KCNH7: variants seen among roughly 807,000 people sequenced by gnomAD.
The protein encoded by KCNH7 is potassium voltage-gated channel subfamily H member 7.
KCNH7 carries 49 observed loss-of-function variants against 120.8 expected under a neutral mutation model. The observed-to-expected ratio is 0.41, with a 90% CI of 0.32 to 0.51. The LOEUF is 0.51. Ranked by LOEUF, KCNH7 falls within the 20% of genes least tolerant of loss-of-function variation. KCNH7 has a pLI of 0.38. For missense variants in KCNH7, 1,097 were observed against 1,446.6 expected, an observed-to-expected ratio of 0.76 and a Z score of 3.92; for synonymous variants, 547 against 516.1, an observed-to-expected ratio of 1.06 and a Z score of -0.81.
In KCNH7 at chr2:162,440,283, AG is replaced by A. The variant is rs1454816404; in HGVS notation, c.1555-4687del. On this transcript the variant is annotated intron_variant, in intron 7 of 15. Transcript: ENST00000332142. ...GTATGTGATCTTTGGTTTCATATGC[AG>A]GGTTGATAGAATGAATGATCACTGA... Among the ~76,000 whole-genome samples the A allele has an allele frequency of 3.3e-5, 5 of 151,978 alleles. No individual in the cohort carries two copies. The East Asian group carries it at 9.6e-4, about 29-fold the overall frequency.
chr2:162,409,366 G>C (rs557072287), intron 9 of KCNH7, among the ~76,000 whole-genome samples: 2 of 151,930 alleles, frequency 1.3e-5, no homozygotes, highest in Non-Finnish European at 2.9e-5. Context: ...TTATTATATT[G>C]ACTAAAGAAG....
intron 14 of KCNH7, among the ~76,000 whole-genome samples, chr2:162,376,175 T>A (rs553011873): frequency 6.6e-6 from 1 of 152,200 alleles, no homozygotes; most frequent in African/African-American, 2.4e-5. Flanking sequence ...AAATCTGATT[T>A]CACAGTGCTA....
intron 2 of KCNH7, among the ~76,000 whole-genome samples, chr2:162,814,189 T>G (rs372997483): frequency 6.6e-6 from 1 of 152,126 alleles, no homozygotes; most frequent in Non-Finnish European, 1.5e-5. Flanking sequence ...ACAAGTAGGT[T>G]TGCAGGAAAG....
intron 2 of KCNH7, among the ~76,000 whole-genome samples, chr2:162,771,017 A>G (rs1683032041): frequency 6.6e-6 from 1 of 152,118 alleles, no homozygotes; most frequent in Admixed American, 6.6e-5. Context: ...TGCCTCTACA[A>G]CTTGGTACAA....
intron 12 of KCNH7, among the ~76,000 whole-genome samples, chr2:162,390,342 A>G (rs997133655): frequency 1.3e-5 from 2 of 151,378 alleles, no homozygotes; most frequent in South Asian, 2.1e-4. Flanking sequence ...GCCATTATAC[A>G]TGCTATTTTA....
intron 2 of KCNH7, among the ~76,000 whole-genome samples, chr2:162,738,649 AGT>A (rs1688005824): frequency 6.6e-6 from 1 of 152,212 alleles, no homozygotes; most frequent in Non-Finnish European, 1.5e-5. Flanking sequence ...AAAGAAAATC[AGT>A]GTGTTTGTCC....
intron 3 of KCNH7, among the ~76,000 whole-genome samples, chr2:162,532,316 G>A (rs1317970440): frequency 6.6e-6 from 1 of 151,878 alleles, no homozygotes; most frequent in African/African-American, 2.4e-5. Context: ...TTCAGCAGAA[G>A]AGGGCCTCTC....
At chr2:162,741,234 TTAA>T (rs1044878013) in intron 2 of KCNH7, among the ~76,000 whole-genome samples, 6 of 149,610 alleles carry the variant, frequency 4.0e-5, no homozygotes, top group Non-Finnish European at 8.9e-5. Flanking sequence ...GTTATACATA[TTAA>T]TAACATATGT....
intron 2 of KCNH7, among the ~76,000 whole-genome samples, chr2:162,614,344 C>T (rs1683070369): frequency 6.6e-6 from 1 of 151,844 alleles, no homozygotes; most frequent in East Asian, 1.9e-4. Context: ...TTACACTTGT[C>T]CACAAACCAC....
At chr2:162,404,783 T>C (rs1248147853) in intron 9 of KCNH7, among the ~76,000 whole-genome samples, 2 of 152,000 alleles carry the variant, frequency 1.3e-5, no homozygotes, top group East Asian at 1.9e-4. Flanking sequence ...TTTATAGCAA[T>C]GCAAGAACAG....
chr2:162,560,496 G>A lies in KCNH7; in HGVS notation c.308-23416C>T, dbSNP rs143396469. The stretch of plus-strand genomic sequence containing the variant: ...GGACATCAGAGCAAGTAGGTGGGTG[G>A]CTGGCATCCAGGGTTAAAAAGGGAA... On this transcript the variant is annotated intron_variant, in intron 2 of 15. Transcript: ENST00000332142. 2.6e-3 allele frequency among the ~76,000 whole-genome samples: 391 copies of A among 152,266 alleles called. 3 individuals are homozygous for A. The highest frequency in any genetic ancestry group is 0.014 in the Middle Eastern group (4 of 294).
At position 162,414,762 on chromosome 2, in the gene KCNH7, G is replaced by A. The variant is rs184340844; in HGVS notation, c.2154+8574C>T. 1.4e-3 allele frequency among the ~76,000 whole-genome samples: 212 copies of A among 152,038 alleles called. 1 individual carries two copies. The highest frequency in any genetic ancestry group is 4.4e-3 in the African/African-American group (183 of 41,526). On this transcript the variant is annotated intron_variant, in intron 9 of 15. Coordinates refer to ENST00000332142, the MANE Select transcript of KCNH7 (RefSeq NM_033272.4). ...TGAAGTATAAAAAAATCTTAAAAAT[G>A]TTGCATTTTAAAAATCCCTTTCATA...
Position 162,668,999 on chromosome 2 carries a change from A to G in KCNH7, c.308-131919T>C, listed in dbSNP as rs1685245109. 5.3e-5 allele frequency among the ~76,000 whole-genome samples: 8 copies of G among 152,180 alleles called. No individual in the cohort carries two copies. The South Asian group carries it at 1.7e-3, about 31-fold the overall frequency. ...GGTAATTTTAAAAATTAGAGGGTAG[A>G]TATAAGAAATGTAACGAAAAGGCAG... On this transcript the variant is annotated intron_variant, in intron 2 of 15. Coordinates refer to ENST00000332142, the MANE Select transcript of KCNH7 (RefSeq NM_033272.4).
chr2:162,787,244 C>A (rs1404306884), intron 2 of KCNH7, among the ~76,000 whole-genome samples: 2 of 152,252 alleles, frequency 1.3e-5, no homozygotes, highest in African/African-American at 4.8e-5. Flanking sequence ...CAGGTCAGTG[C>A]CCACAGACCC....
intron 2 of KCNH7, among the ~76,000 whole-genome samples, chr2:162,655,491 A>G (rs1178921800): frequency 1.3e-5 from 2 of 152,100 alleles, no homozygotes; most frequent in Non-Finnish European, 2.9e-5. Flanking sequence ...TGGCTCATAG[A>G]ATTATTGTGG....
chr2:162,793,075 A>G (rs542540103), intron 2 of KCNH7, among the ~76,000 whole-genome samples: 1 of 152,080 alleles, frequency 6.6e-6, no homozygotes, highest in African/African-American at 2.4e-5. Context: ...TTTATTATTT[A>G]CCCAATGTGG....
chr2:162,400,457 AAG>A lies in KCNH7; in HGVS notation c.2155-18_2155-17del. The A allele has an allele frequency of 6.2e-7, 1 of 1,610,410 alleles. No individual in the cohort carries two copies. Among genetic ancestry groups the A allele is most frequent in the Non-Finnish European group, 8.5e-7 (1 of 1,177,772 alleles). ...CCTTTAGGACCTGAGGAAAAAAAGA[AAG>A]AGTTTCATACTACCAGTGTTCTGGG... On this transcript the variant is annotated splice_polypyrimidine_tract_variant and intron_variant, in intron 9 of 15. Transcript: ENST00000332142.
chr2:162,838,569 C>T lies in KCNH7; in HGVS notation c.-51G>A. ...CTCCCCCGGAGCTCTGGAGTTCTCC[C>T]GGGATCTCTCCTCGGCTAGAGCCCA... On this transcript the variant is annotated 5_prime_UTR_variant, in exon 1 of 16. Transcript: ENST00000332142. The T allele has an allele frequency of 6.8e-7, 1 of 1,471,832 alleles. No individual in the cohort carries two copies. Among genetic ancestry groups the T allele is most frequent in the Non-Finnish European group, 9.4e-7 (1 of 1,061,162 alleles). 91.2% of individuals were successfully genotyped at this position (1,471,832 alleles called of 1,614,324 possible). A position where few individuals can be genotyped will look rare whatever the true frequency, so the allele number is the denominator to read the frequency against.
intron 12 of KCNH7, among the ~76,000 whole-genome samples, chr2:162,388,537 G>T (rs1185396221): frequency 6.6e-6 from 1 of 151,688 alleles, no homozygotes; most frequent in East Asian, 1.9e-4. Flanking sequence ...AAGATCAAAA[G>T]ATACTTTTAT....
Sources: gnomAD v4.1 joint callset for allele counts (sites outside exome capture counted in the v4.1 genomes callset) on GRCh38, gnomAD v4.1.1 for gene constraint, MANE v1.5 for transcripts, NCBI Gene and HGNC (gene_info 2026-07-23, HGNC 2026-07-21) for gene names.